Variants in B4GALT7 observed in about 807,000 individuals in gnomAD.
B4GALT7 encodes the protein UDP-Gal:beta-GlcNAc beta-1,4-galactosyltransferase 7.
Under a neutral mutation model 33.0 loss-of-function variants are expected in B4GALT7, and 30 were observed. The ratio of observed to expected loss-of-function variants is 0.91; its 90% CI spans 0.68 to 1.23. B4GALT7 has a LOEUF of 1.23. B4GALT7 is among the 50% of genes most tolerant of loss of function. B4GALT7 has a pLI of 0.00. For synonymous variants in B4GALT7, 213 were observed against 187.2 expected (o/e 1.14, Z -1.13); for missense variants, 507 against 450.8 (o/e 1.12, Z -1.13).
Position 177,608,366 on chromosome 5 carries a change from G to C in B4GALT7, c.640-173G>C. 1.6e-6 allele frequency: 1 copy of C among 617,748 alleles called. No homozygotes were observed. The allele number at this position is 617,748 out of a possible 1,614,324, so 38.3% of individuals were successfully genotyped here. A position where few individuals can be genotyped will look rare whatever the true frequency, so the allele number is the denominator to read the frequency against. ...TTCAAGGCCCCGTGAGAACGGGAGAGGGCCCGGGACGCGCTGCTTCCTGCC... is the reference window on the plus strand; with the variant it reads ...TTCAAGGCCCCGTGAGAACGGGAGACGGCCCGGGACGCGCTGCTTCCTGCC... On this transcript the variant is annotated intron_variant, in intron 3 of 5. Coordinates refer to ENST00000029410, the MANE Select transcript of B4GALT7 (RefSeq NM_007255.3). This position sits in a 1 kb window ranked among gnomAD's most constrained non-coding sequence, Gnocchi z 4.1.
intron 2 of B4GALT7, 70 bp from the exon 3 acceptor site, chr5:177,607,232 C>G: frequency 7.1e-7 from 1 of 1,404,384 alleles, no homozygotes. Flanking sequence ...TGGGGACCCC[C>G]GGGTGGGTGC....
intron 2 of B4GALT7, among the ~76,000 whole-genome samples, chr5:177,604,789 C>T (rs1767939913): frequency 6.6e-6 from 1 of 152,080 alleles, no homozygotes; most frequent in Non-Finnish European, 1.5e-5. Flanking sequence ...GTTAGGTGGT[C>T]ACTGCTGTGG....
At position 177,608,894 on chromosome 5, in the gene B4GALT7, C is replaced by T. The variant is rs974956592; in HGVS notation, c.724-16C>T. 6.2e-7 allele frequency: 1 copy of T among 1,610,326 alleles called. No individual in the cohort carries two copies. The highest frequency in any genetic ancestry group is 8.5e-7 in the Non-Finnish European group (1 of 1,177,306). ...AGGAAGGGCAGCCTGACCCCGACTT[C>T]CTTGGACCTCCCTAGCTTTTCCGCC... On this transcript the variant is annotated splice_polypyrimidine_tract_variant and intron_variant, in intron 4 of 5. Coordinates refer to ENST00000029410, the MANE Select transcript of B4GALT7 (RefSeq NM_007255.3). This position sits in a 1 kb window ranked among gnomAD's most constrained non-coding sequence, Gnocchi z 4.1.
intron 5 of B4GALT7, 33 bp downstream of exon 5, chr5:177,609,047 G>A: frequency 6.4e-7 from 1 of 1,571,652 alleles, no homozygotes; most frequent in South Asian, 1.1e-5. Context: ...GGGACAGATA[G>A]GTGGTCATGT....
In B4GALT7 at chr5:177,608,461, C is replaced by T. The variant is rs551833846; in HGVS notation, c.640-78C>T. On this transcript the variant is annotated intron_variant, in intron 3 of 5. Coordinates refer to ENST00000029410, the MANE Select transcript of B4GALT7 (RefSeq NM_007255.3). The surrounding 1 kb of genome is among the most constrained non-coding windows in gnomAD (Gnocchi z 4.1). ...ATTCAGAGGCGCTGGGGGAGAGGGG[C>T]ACTCCCGAGCGGTAGGAGACCAAAG... 79 of 1,315,212 alleles carry T rather than the reference C, an allele frequency of 6.0e-5. No homozygotes were observed. The East Asian group carries it at 6.5e-4, about 11-fold the overall frequency. The allele number at this position is 1,315,212 out of a possible 1,614,324, so 81.5% of individuals were successfully genotyped here.
At chr5:177,605,524 T>A (rs986607883) in intron 2 of B4GALT7, among the ~76,000 whole-genome samples, 36 of 152,224 alleles carry the variant, frequency 2.4e-4, no homozygotes, top group African/African-American at 8.4e-4. Flanking sequence ...CAGAATGAAA[T>A]GGAAGAGAAC....
intron 2 of B4GALT7, 116 bp downstream of exon 2, chr5:177,604,657 T>A: frequency 7.3e-7 from 1 of 1,373,210 alleles, no homozygotes; most frequent in South Asian, 1.2e-5. Context: ...CAGACCCCTC[T>A]CACTGGGTGT....
Position 177,604,374 on chromosome 5 carries a change from G to A in B4GALT7, c.246G>A (p.Glu82=), listed in dbSNP as rs773292907. 2 of 1,613,368 alleles carry A rather than the reference G, an allele frequency of 1.2e-6. No homozygotes were observed. Among genetic ancestry groups the A allele is most frequent in the Non-Finnish European group, 8.5e-7 (1 of 1,179,658 alleles). Residue 82 remains glutamate (E), a synonymous_variant, in exon 2 of 6, where the codon GAG becomes GAA. Transcript: ENST00000029410. ...CCTGCCCCCCAGAGCCGCCCCCTGAGCACTGGGAAGAAGACGCATCCTGGG... is the reference window on the plus strand; with the variant it reads ...CCTGCCCCCCAGAGCCGCCCCCTGAACACTGGGAAGAAGACGCATCCTGGG... ...PRACPPEPPP[E]HWEEDASWGP... is the part of the protein sequence containing the mutation.
rs1229424971 is a variant in B4GALT7 at position 177,600,987 on chromosome 5, C to T, written c.50+727C>T. ...TCTCACTAAAGCAGAATGGGGAAAG[C>T]GATTTGACTGCCTCCATTCGTGGGG... On this transcript the variant is annotated intron_variant, in intron 1 of 5. Transcript: ENST00000029410. This position sits in a 1 kb window ranked among gnomAD's most constrained non-coding sequence, Gnocchi z 4.4. Among the ~76,000 whole-genome samples, 2 of 152,192 alleles carry T rather than the reference C, an allele frequency of 1.3e-5. No individual in the cohort carries two copies. Among genetic ancestry groups the T allele is most frequent in the African/African-American group, 2.4e-5 (1 of 41,436 alleles).
Position 177,609,742 on chromosome 5 carries a change from A to C in B4GALT7, c.*47A>C. ...CCTGTACCTACAGGCCATATTGCTC[A>C]GGCTCAGGACAAGGCCTCAGGTCGT... On this transcript the variant is annotated 3_prime_UTR_variant, in exon 6 of 6. Transcript: ENST00000029410. The C allele has an allele frequency of 6.4e-7, 1 of 1,558,438 alleles. No homozygotes were observed. The highest frequency in any genetic ancestry group is 8.7e-7 in the Non-Finnish European group (1 of 1,151,208).
At chr5:177,601,196 G>A (rs192593064) in intron 1 of B4GALT7, among the ~76,000 whole-genome samples, 429 of 152,014 alleles carry the variant, frequency 2.8e-3, no homozygotes, top group Admixed American at 7.6e-3. Flanking sequence ...GGGAAAACAG[G>A]AATATAATAG....
At position 177,607,019 on chromosome 5, in the gene B4GALT7, C is replaced by T. The variant is rs74470592; in HGVS notation, c.414-283C>T. 2,638 of 517,924 alleles carry T rather than the reference C, an allele frequency of 5.1e-3. 119 individuals are homozygous for T. In the East Asian group the frequency reaches 0.087, roughly 17 times the overall value. The allele number at this position is 517,924 out of a possible 1,614,324, so 32.1% of individuals were successfully genotyped here. A position where few individuals can be genotyped will look rare whatever the true frequency, so the allele number is the denominator to read the frequency against. Reference sequence around the variant, plus strand: ...CCCCAGCACGAACCACTGCTGGCCACGCTTTGTGTTTGCTTGTTTCTGTTT... The same window carrying T: ...CCCCAGCACGAACCACTGCTGGCCATGCTTTGTGTTTGCTTGTTTCTGTTT... On this transcript the variant is annotated intron_variant, in intron 2 of 5. Coordinates refer to ENST00000029410, the MANE Select transcript of B4GALT7 (RefSeq NM_007255.3).
chr5:177,609,568 G>C lies in B4GALT7; in HGVS notation c.857G>C (p.Gly286Ala). 6.2e-7 allele frequency: 1 copy of C among 1,613,618 alleles called. No homozygotes were observed. The highest frequency in any genetic ancestry group is 8.5e-7 in the Non-Finnish European group (1 of 1,180,034). The change falls in exon 6 of 6, where the codon GGC becomes GCC. Residue 286 changes from glycine (G) to alanine (A), a missense_variant. Transcript: ENST00000029410. ...QEQFKVDREG[G>A]LNTVKYHVAS... is the part of the protein sequence containing the mutation. ...CAGTTCAAGGTGGACAGGGAGGGAG[G>C]CCTGAACACTGTGAAGTACCATGTG...
chr5:177,604,165 C>G lies in B4GALT7; in HGVS notation c.51-14C>G, dbSNP rs202024448. The G allele has an allele frequency of 1.2e-6, 2 of 1,613,322 alleles. No individual in the cohort carries two copies. Among genetic ancestry groups the G allele is most frequent in the Non-Finnish European group, 1.7e-6 (2 of 1,179,934 alleles). On this transcript the variant is annotated splice_polypyrimidine_tract_variant and intron_variant, in intron 1 of 5. Transcript: ENST00000029410. ...CTGCCCCGCCCTCCTGACCCTGTCC[C>G]GCGCTTGCTCCAGGTCCGGGTTGCT...
intron 1 of B4GALT7, chr5:177,601,571 C>G (rs1767842490): frequency 6.6e-6 from 1 of 152,330 alleles, no homozygotes; most frequent in East Asian, 1.9e-4. Context: ...TTACTGATGT[C>G]AATTCTGTGC....
intron 3 of B4GALT7, 157 bp downstream of exon 3, chr5:177,607,684 G>A (rs1768056067): frequency 6.9e-6 from 5 of 719,564 alleles, no homozygotes; most frequent in Admixed American, 5.0e-5. Context: ...AAGAGCAGGC[G>A]AGCCAGTCAG....
Position 177,609,591 on chromosome 5 carries a change from G to T in B4GALT7, c.880G>T (p.Val294Leu). 6.2e-7 allele frequency: 1 copy of T among 1,613,968 alleles called. No homozygotes were observed. The highest frequency in any genetic ancestry group is 1.1e-5 in the South Asian group (1 of 91,074). Residue 294 changes from valine to leucine, a missense_variant, in exon 6 of 6, where the codon GTG becomes TTG. Physicochemically the swap from Val to Leu is conservative, Grantham distance 32. Transcript: ENST00000029410. Reference protein sequence around the residue: ...EGGLNTVKYHVASRTALSVGG... With the variant: ...EGGLNTVKYHLASRTALSVGG... ...AGGCCTGAACACTGTGAAGTACCATGTGGCTTCCCGCACTGCCCTGTCTGT... is the reference window on the plus strand; with the variant it reads ...AGGCCTGAACACTGTGAAGTACCATTTGGCTTCCCGCACTGCCCTGTCTGT...
intron 1 of B4GALT7, among the ~76,000 whole-genome samples, chr5:177,603,648 A>G (rs1022260901): frequency 6.6e-6 from 1 of 152,100 alleles, no homozygotes; most frequent in African/African-American, 2.4e-5. Context: ...TTTTACCTGG[A>G]CTAATGCCAG....
In B4GALT7 at chr5:177,608,408, T is replaced by C; in HGVS notation, c.640-131T>C. On this transcript the variant is annotated intron_variant, in intron 3 of 5. Transcript: ENST00000029410. The surrounding 1 kb of genome is among the most constrained non-coding windows in gnomAD (Gnocchi z 4.1). ...CTTCCTGCCGCCCGCACTGCAGAAG[T>C]GCAGGAGCCTGCAAGCACCCGGGGC... 1.3e-6 allele frequency: 1 copy of C among 779,574 alleles called. No homozygotes were observed. The highest frequency in any genetic ancestry group is 2.2e-6 in the Non-Finnish European group (1 of 457,764). The allele number at this position is 779,574 out of a possible 1,614,324, so 48.3% of individuals were successfully genotyped here.
Sources: gnomAD v4.1 joint callset for allele counts (sites outside exome capture counted in the v4.1 genomes callset) on GRCh38, gnomAD v4.1.1 for gene constraint, Gnocchi (gnomAD v3.1) non-coding constraint, MANE v1.5 for transcripts, NCBI Gene and HGNC (gene_info 2026-07-23, HGNC 2026-07-21) for gene names.